The following ZNF732 variants were observed in gnomAD, a reference collection of about 807,000 sequenced individuals.
ZNF732 encodes zinc finger protein LOC654254.
ZNF732 carries 12 observed loss-of-function variants against 11.5 expected under a neutral mutation model. The ratio of observed to expected loss-of-function variants is 1.05; its 90% CI spans 0.67 to 1.70. The LOEUF is 1.70. Among genes scored for constraint, ZNF732 ranks in the 40% most tolerant of loss-of-function variants. The pLI is 0.00. For synonymous variants in ZNF732, 231 were observed against 236.5 expected (o/e 0.98, Z 0.21); for missense variants, 702 against 676.9 (o/e 1.04, Z -0.41).
intron 1 of ZNF732, among the ~76,000 whole-genome samples, chr4:299,909 G>A (rs1553843367): frequency 7.1e-6 from 1 of 141,686 alleles, no homozygotes; most frequent in Non-Finnish European, 1.5e-5. Flanking sequence ...TCACCATGTT[G>A]GCCAGTCTGG....
chr4:295,107 ACT>A (rs1319348492), intron 3 of ZNF732, among the ~76,000 whole-genome samples: 2 of 152,208 alleles, frequency 1.3e-5, no homozygotes, highest in Non-Finnish European at 2.9e-5. Context: ...AAAAAAATAC[ACT>A]GACATAGAGC....
intron 3 of ZNF732, among the ~76,000 whole-genome samples, chr4:288,810 T>C (rs1016553528): frequency 5.3e-5 from 8 of 152,114 alleles, no homozygotes; most frequent in African/African-American, 1.7e-4. Context: ...TCCCAGCACT[T>C]TGGGAGGCGG....
At chr4:295,294 T>C in intron 3 of ZNF732, 144 bp downstream of exon 3, 1 of 617,294 alleles carries the variant, frequency 1.6e-6, no homozygotes, top group Non-Finnish European at 2.8e-6. Context: ...GATGCCCCTA[T>C]TCATGAATAT....
chr4:304,009 G>C (rs1720173555), intron 1 of ZNF732, among the ~76,000 whole-genome samples: 2 of 152,188 alleles, frequency 1.3e-5, no homozygotes, highest in African/African-American at 4.8e-5. Flanking sequence ...ATTAGGATCA[G>C]GTGGTCCAGA....
chr4:289,293 C>T (rs955877639), intron 3 of ZNF732, among the ~76,000 whole-genome samples: 8 of 152,252 alleles, frequency 5.3e-5, no homozygotes, highest in African/African-American at 7.2e-5. Flanking sequence ...CATGTGTGTG[C>T]GCTCGCGCAC....
rs1553838036 is a variant in ZNF732 at position 272,587 on chromosome 4, C to G, written c.270G>C (p.Gly90=). ...TAAGTTTGTGGAACGAATCTTCTATCCCCTGCACTGGCAAAAAGTCTTGGG... is the reference window on the plus strand; with the variant it reads ...TAAGTTTGTGGAACGAATCTTCTATGCCCTGCACTGGCAAAAAGTCTTGGG... ...HFTQDFLPVQ[G]IEDSFHKLIL... The change falls in exon 4 of 4, where the codon GGG becomes GGC. Residue 90 remains glycine (G), a synonymous_variant. Coordinates refer to ENST00000419098, the MANE Select transcript of ZNF732 (RefSeq NM_001137608.3). The G allele has an allele frequency of 6.4e-6, 10 of 1,557,748 alleles. No homozygotes were observed. Among genetic ancestry groups the G allele is most frequent in the Non-Finnish European group, 8.6e-6 (10 of 1,156,922 alleles).
chr4:305,419 A>C lies in ZNF732; in HGVS notation c.-109T>G. ...TGACCGAATCACCGACGCCTCCCTG[A>C]GGGGTGAAAGCACGGCCGTGGAGAC... On this transcript the variant is annotated 5_prime_UTR_variant, in exon 1 of 4. Coordinates refer to ENST00000419098, the MANE Select transcript of ZNF732 (RefSeq NM_001137608.3). 6.6e-7 allele frequency: 1 copy of C among 1,508,500 alleles called. No individual in the cohort carries two copies. The highest frequency in any genetic ancestry group is 1.1e-5 in the South Asian group (1 of 87,704). The allele number at this position is 1,508,500 out of a possible 1,614,324, so 93.4% of individuals were successfully genotyped here.
intron 1 of ZNF732, among the ~76,000 whole-genome samples, chr4:299,508 C>CAT (rs1306870073): frequency 3.1e-5 from 2 of 64,962 alleles, no homozygotes; most frequent in African/African-American, 1.4e-4. Context: ...TATATACACA[C>CAT]ATATACGTAT....
Position 272,067 on chromosome 4 carries a change from T to G in ZNF732, c.790A>C (p.Thr264Pro). 5 of 1,611,008 alleles carry G rather than the reference T, an allele frequency of 3.1e-6. No individual in the cohort carries two copies. Among genetic ancestry groups the G allele is most frequent in the Non-Finnish European group, 4.2e-6 (5 of 1,178,524 alleles). The change falls in exon 4 of 4, where the codon ACC becomes CCC. Residue 264 changes from threonine to proline, a missense_variant. Around this residue, in one of 3 missense-constraint regions of ZNF732, gnomAD observed 596 missense variants for 557.9 expected, o/e 1.07. Transcript: ENST00000419098. ...TGAATTCTCTTATGCTTAGTAAGGG[T>G]TGAGGACCTATTAAAGGCTTTGCCA... ...ECGKAFNRSS[T>P]LTKHKRIHAE...
At chr4:304,179 A>C (rs1720177355) in intron 1 of ZNF732, among the ~76,000 whole-genome samples, 1 of 152,046 alleles carries the variant, frequency 6.6e-6, no homozygotes, top group South Asian at 2.1e-4. Flanking sequence ...CTGTCCTGGG[A>C]GGAGTGTGGC....
chr4:272,632 T>A lies in ZNF732; in HGVS notation c.227-2A>T. 6.7e-7 allele frequency: 1 copy of A among 1,497,456 alleles called. No homozygotes were observed. Among genetic ancestry groups the A allele is most frequent in the East Asian group, 2.3e-5 (1 of 43,804 alleles). 92.8% of individuals were successfully genotyped at this position (1,497,456 alleles called of 1,614,324 possible). On this transcript the variant is annotated splice_acceptor_variant, in intron 3 of 3. Coordinates refer to ENST00000419098, the MANE Select transcript of ZNF732 (RefSeq NM_001137608.3). LOFTEE classifies it high-confidence loss of function. ...CTTGGGTGAAATGAGAACACACAGC[T>A]GAAAGAAATAAAAATAAATTATCCT...
intron 3 of ZNF732, among the ~76,000 whole-genome samples, chr4:278,911 T>C (rs1719556679): frequency 6.6e-6 from 1 of 152,222 alleles, no homozygotes; most frequent in South Asian, 2.1e-4. Flanking sequence ...CATAGTCTGG[T>C]AAATGTAAAT....
intron 1 of ZNF732, among the ~76,000 whole-genome samples, chr4:303,791 A>G (rs1720169510): frequency 6.6e-6 from 1 of 152,234 alleles, no homozygotes; most frequent in Non-Finnish European, 1.5e-5. Context: ...GAATTCTCGC[A>G]GGCAAGTGAG....
At chr4:293,964 C>A (rs1199226601) in intron 3 of ZNF732, among the ~76,000 whole-genome samples, 1 of 152,136 alleles carries the variant, frequency 6.6e-6, no homozygotes, top group Non-Finnish European at 1.5e-5. Flanking sequence ...CCAAACATAA[C>A]TCTTGTTTAC....
At chr4:293,133 T>C (rs1719875632) in intron 3 of ZNF732, among the ~76,000 whole-genome samples, 1 of 133,370 alleles carries the variant, frequency 7.5e-6, no homozygotes, top group Admixed American at 7.5e-5. Flanking sequence ...AATCCAGCAA[T>C]ACCACTTCTG....
chr4:304,860 C>T (rs970029885), intron 1 of ZNF732, among the ~76,000 whole-genome samples: 1 of 152,246 alleles, frequency 6.6e-6, no homozygotes, highest in Non-Finnish European at 1.5e-5. Context: ...CCTTCAAGAC[C>T]CGCTGGCAGC....
chr4:281,164 G>A (rs1332901267), intron 3 of ZNF732, among the ~76,000 whole-genome samples: 1 of 152,130 alleles, frequency 6.6e-6, no homozygotes, highest in Non-Finnish European at 1.5e-5. Context: ...ACTGTGAATT[G>A]TAAAGCAGTC....
At position 296,158 on chromosome 4, in the gene ZNF732, G is replaced by C. The variant is rs782409822; in HGVS notation, c.4-3C>G. On this transcript the variant is annotated splice_polypyrimidine_tract_variant and splice_region_variant and intron_variant, in intron 1 of 3. Coordinates refer to ENST00000419098, the MANE Select transcript of ZNF732 (RefSeq NM_001137608.3). The stretch of plus-strand genomic sequence containing the variant: ...ACATCCCTGAATGTTAAGAGTTCCT[G>C]AAAATATATATGTATCAAGTGACAG... The C allele has an allele frequency of 6.2e-7, 1 of 1,610,526 alleles. No individual in the cohort carries two copies. Among genetic ancestry groups the C allele is most frequent in the Admixed American group, 1.7e-5 (1 of 58,572 alleles).
At position 296,704 on chromosome 4, in the gene ZNF732, G is replaced by A. The variant is rs551775461; in HGVS notation, c.4-549C>T. Among the ~76,000 whole-genome samples, 3 of 152,210 alleles carry A rather than the reference G, an allele frequency of 2.0e-5. No homozygotes were observed. The South Asian group carries it at 6.2e-4, about 32-fold the overall frequency. On this transcript the variant is annotated intron_variant, in intron 1 of 3. Coordinates refer to ENST00000419098, the MANE Select transcript of ZNF732 (RefSeq NM_001137608.3). Reference sequence around the variant, plus strand: ...GGCCTCACTGTAACAAAATTTTGCAGGTTTGAAAAGAGTTCATGAATTAGC... The same window carrying A: ...GGCCTCACTGTAACAAAATTTTGCAAGTTTGAAAAGAGTTCATGAATTAGC...
Sources: gnomAD v4.1 joint callset for allele counts (sites outside exome capture counted in the v4.1 genomes callset) on GRCh38, gnomAD v4.1.1 for gene constraint, gnomAD v4.1.1 regional missense constraint, MANE v1.5 for transcripts, NCBI Gene and HGNC (gene_info 2026-07-23, HGNC 2026-07-21) for gene names.